PCSK5: variants seen among roughly 807,000 people sequenced by gnomAD.
PCSK5 encodes proprotein convertase subtilisin/kexin type 5.
PCSK5 carries 129 observed loss-of-function variants against 233.2 expected under a neutral mutation model. The observed-to-expected ratio is 0.55, with a 90% CI of 0.48 to 0.64. The LOEUF (loss-of-function observed/expected upper bound fraction) is 0.64, where lower values mean the gene tolerates loss of function less well. Ranked by LOEUF, PCSK5 falls within the 30% of genes least tolerant of loss-of-function variation. The probability of loss-of-function intolerance (pLI) is 0.00; values close to 1 mark genes in which losing one functional copy is unlikely to be tolerated. For synonymous variants in PCSK5, 825 were observed against 879.2 expected, an observed-to-expected ratio of 0.94 and a Z score of 1.09; for missense variants, 2,076 against 2,430.1, an observed-to-expected ratio of 0.85 and a Z score of 3.06.
rs570488016 is a variant in PCSK5 at position 76,088,958 on chromosome 9, A to G, written c.895-6932A>G. On this transcript the variant is annotated intron_variant, in intron 7 of 37. Transcript: ENST00000674117. ...TTTTTTTTTTTTTTTTGGTCTTTAC[A>G]TTATGTTTCTAGATGAGATCTATTT... Among the ~76,000 whole-genome samples, 4 of 137,616 alleles carry G rather than the reference A, an allele frequency of 2.9e-5. No homozygotes were observed. The South Asian group carries it at 6.8e-4, about 23-fold the overall frequency. 90.3% of individuals were successfully genotyped at this position (137,616 alleles called of 152,430 possible). A position where few individuals can be genotyped will look rare whatever the true frequency, so the allele number is the denominator to read the frequency against.
intron 21 of PCSK5, among the ~76,000 whole-genome samples, chr9:76,232,774 T>C (rs929344451): frequency 2.0e-5 from 3 of 152,348 alleles, no homozygotes; most frequent in Admixed American, 6.5e-5. Flanking sequence ...AGGATATACA[T>C]TGTATATATG....
chr9:75,918,267 T>G (rs751533934), intron 1 of PCSK5, among the ~76,000 whole-genome samples: 7 of 152,242 alleles, frequency 4.6e-5, no homozygotes, highest in Non-Finnish European at 8.8e-5. Flanking sequence ...TAGACGATAA[T>G]GTGCTTGCAC....
intron 2 of PCSK5, among the ~76,000 whole-genome samples, chr9:75,940,446 A>G (rs1189257049): frequency 6.6e-6 from 1 of 152,250 alleles, no homozygotes; most frequent in Non-Finnish European, 1.5e-5. Context: ...GCATTCAAGC[A>G]TTGTGCAATG....
chr9:75,946,506 A>G (rs532302758), intron 2 of PCSK5, among the ~76,000 whole-genome samples: 34 of 152,292 alleles, frequency 2.2e-4, no homozygotes, highest in African/African-American at 7.7e-4. Flanking sequence ...CTATTAGTCC[A>G]TGTTGCCATC....
chr9:76,299,452 T>A (rs1360798847), intron 27 of PCSK5, among the ~76,000 whole-genome samples: 2 of 152,126 alleles, frequency 1.3e-5, no homozygotes, highest in Non-Finnish European at 2.9e-5. Flanking sequence ...GTGGATCTCT[T>A]GAGGTCAGGA....
intron 24 of PCSK5, among the ~76,000 whole-genome samples, chr9:76,251,598 A>C (rs1397113886): frequency 6.6e-6 from 1 of 151,794 alleles, no homozygotes; most frequent in African/African-American, 2.4e-5. Context: ...AGAAAAAGAA[A>C]AGTACTTCAA....
At chr9:75,998,778 C>T (rs1827134083) in intron 3 of PCSK5, among the ~76,000 whole-genome samples, 1 of 152,114 alleles carries the variant, frequency 6.6e-6, no homozygotes, top group South Asian at 2.1e-4. Flanking sequence ...AACTCAAGGC[C>T]AGTATTCTTT....
chr9:76,319,379 T>C (rs113933119), intron 30 of PCSK5, among the ~76,000 whole-genome samples: 1,253 of 133,150 alleles, frequency 9.4e-3, no homozygotes, highest in African/African-American at 0.015. Flanking sequence ...AAATTAGATA[T>C]AGAGATGATC....
At chr9:75,987,736 C>G (rs1423903154) in intron 3 of PCSK5, among the ~76,000 whole-genome samples, 1 of 152,136 alleles carries the variant, frequency 6.6e-6, no homozygotes, top group African/African-American at 2.4e-5. Flanking sequence ...AGAGTGAACC[C>G]CAAGGGAAGG....
In PCSK5 at chr9:76,358,764, G is replaced by A. The variant is rs1185282432; in HGVS notation, c.5506G>A (p.Glu1836Lys). 6.2e-7 allele frequency: 1 copy of A among 1,612,932 alleles called. No individual in the cohort carries two copies. The highest frequency in any genetic ancestry group is 8.5e-7 in the Non-Finnish European group (1 of 1,179,900). ...CAGCTTTGAAGAGGATCAGGTGATT[G>A]AGTACAGGGATCGGGACTATGATGA... ...STSFEEDQVI[E>K]YRDRDYDEDD... Residue 1836 changes from glutamate to lysine, a missense_variant, in exon 38 of 38, where the codon GAG (glutamate) becomes AAG (lysine). Transcript: ENST00000674117.
chr9:76,062,056 G>A (rs961508280), intron 5 of PCSK5, among the ~76,000 whole-genome samples: 2 of 152,092 alleles, frequency 1.3e-5, no homozygotes, highest in African/African-American at 4.8e-5. Context: ...AGATTAACCT[G>A]AGTAACATAG....
rs56328615 is a variant in PCSK5, at chr9:76,238,029, G to A, written c.2867-930G>A. ...ATCTCCATGTGGTAGATCACATGAC[G>A]AATGAACCCTAGACCCCGGTTATTC... On this transcript the variant is annotated intron_variant, in intron 22 of 37. Coordinates refer to ENST00000674117, the MANE Select transcript of PCSK5 (RefSeq NM_001372043.1). 3.9e-4 allele frequency among the ~76,000 whole-genome samples: 59 copies of A among 152,204 alleles called. No individual in the cohort carries two copies. In the Middle Eastern group the frequency reaches 0.01, roughly 26 times the overall value.
At chr9:76,023,960 T>C (rs1328563659) in intron 4 of PCSK5, 79 bp downstream of exon 4, 17 of 1,318,880 alleles carry the variant, frequency 1.3e-5, no homozygotes, top group Non-Finnish European at 1.8e-5. Context: ...AAAAGGTGGA[T>C]AGCTACTGAA....
intron 5 of PCSK5, among the ~76,000 whole-genome samples, chr9:76,057,931 G>A (rs1397119385): frequency 6.6e-6 from 1 of 150,608 alleles, no homozygotes; most frequent in Admixed American, 6.6e-5. Flanking sequence ...TGAACTCCTG[G>A]GCTCAAGCAA....
chr9:75,934,919 AC>A (rs1823983316), intron 2 of PCSK5, among the ~76,000 whole-genome samples: 1 of 151,810 alleles, frequency 6.6e-6, no homozygotes, highest in South Asian at 2.1e-4. Flanking sequence ...ATTTTCAGAA[AC>A]TTTTTATTTA....
chr9:76,050,239 G>T (rs1303809379), intron 5 of PCSK5, among the ~76,000 whole-genome samples: 2 of 152,118 alleles, frequency 1.3e-5, no homozygotes, highest in Non-Finnish European at 2.9e-5. Flanking sequence ...CTATATACAG[G>T]AGTATAGGTA....
At chr9:75,955,662 A>G (rs971861690) in intron 2 of PCSK5, among the ~76,000 whole-genome samples, 2 of 151,228 alleles carry the variant, frequency 1.3e-5, no homozygotes, top group African/African-American at 4.9e-5. Flanking sequence ...TTTTGTTCCT[A>G]TTATTGTCCC....
At chr9:76,195,647 TCAA>T (rs1672038643) in intron 20 of PCSK5, 1 of 152,186 alleles carries the variant, frequency 6.6e-6, no homozygotes, top group Admixed American at 6.5e-5. Flanking sequence ...GTTTGGAGAC[TCAA>T]CAAATGCTCT....
chr9:76,092,973 T>G (rs1831357411), intron 7 of PCSK5, among the ~76,000 whole-genome samples: 1 of 152,146 alleles, frequency 6.6e-6, no homozygotes, highest in Non-Finnish European at 1.5e-5. Flanking sequence ...ATAAAAAGCT[T>G]TTCTGATCTT....
Sources: allele counts gnomAD v4.1 joint callset (sites outside exome capture counted in the v4.1 genomes callset), GRCh38; gene constraint gnomAD v4.1.1; transcripts MANE v1.5; gene names NCBI Gene and HGNC (gene_info 2026-07-23, HGNC 2026-07-21).